Variants in RASEF observed in about 807,000 individuals in gnomAD.
RASEF encodes the protein ras and EF-hand domain-containing protein.
A neutral mutation model predicts 90.1 loss-of-function variants in RASEF; 68 were observed. That is an observed-to-expected ratio of 0.75 (90% CI 0.62 to 0.92). The LOEUF is 0.92. Among genes scored for constraint, RASEF ranks in the 40% least tolerant of loss-of-function variants. The pLI is 0.00. For synonymous variants in RASEF, 331 were observed against 345.2 expected, an observed-to-expected ratio of 0.96 and a Z score of 0.46; for missense variants, 949 against 937.2, an observed-to-expected ratio of 1.01 and a Z score of -0.16.
the RASEF span, among the ~76,000 whole-genome samples, chr9:83,209,602 A>G: frequency 5.3e-5 from 8 of 152,284 alleles, no homozygotes; most frequent in African/African-American, 1.7e-4. Context: ...GAGCTAAAAA[A>G]TGCCTGAATA....
the RASEF span, among the ~76,000 whole-genome samples, chr9:83,092,564 T>C: frequency 6.6e-6 from 1 of 152,226 alleles, no homozygotes; most frequent in South Asian, 2.1e-4. Flanking sequence ...AGCTGCAGAC[T>C]TTCACAGTGA....
chr9:83,022,835 G>A (rs879479358), intron 2 of RASEF, among the ~76,000 whole-genome samples: 2 of 152,138 alleles, frequency 1.3e-5, no homozygotes, highest in Admixed American at 6.5e-5. Context: ...GGAAGTAACT[G>A]TAACACAATG....
chr9:83,213,769 C>T, the RASEF span, among the ~76,000 whole-genome samples: 2 of 152,316 alleles, frequency 1.3e-5, no homozygotes, highest in East Asian at 1.9e-4. Flanking sequence ...AGAACCTCAA[C>T]ACACTCTTGT....
At chr9:83,070,584 A>G in the RASEF span, among the ~76,000 whole-genome samples, 1 of 152,234 alleles carries the variant, frequency 6.6e-6, no homozygotes, top group East Asian at 1.9e-4. Flanking sequence ...CAAATTTGTT[A>G]TTATTTTTCA....
At chr9:83,162,357 G>A in the RASEF span, among the ~76,000 whole-genome samples, 8 of 152,258 alleles carry the variant, frequency 5.3e-5, no homozygotes, top group South Asian at 1.7e-3. Context: ...AAAACTGCTG[G>A]AGATGGTATT....
chr9:83,098,551 G>C, the RASEF span, among the ~76,000 whole-genome samples: 9 of 152,148 alleles, frequency 5.9e-5, no homozygotes, highest in East Asian at 1.7e-3. Flanking sequence ...ATTATTAAGT[G>C]CCTAATTGCA....
intron 1 of RASEF, among the ~76,000 whole-genome samples, chr9:83,044,486 G>A (rs1269419013): frequency 2.0e-5 from 3 of 151,998 alleles, no homozygotes; most frequent in African/African-American, 7.3e-5. Flanking sequence ...AGCAGATGTA[G>A]GGCAAGCCTT....
the RASEF span, among the ~76,000 whole-genome samples, chr9:83,078,676 A>AG: frequency 0.02 from 2,970 of 151,568 alleles, 114 homozygotes; most frequent in African/African-American, 0.068. Flanking sequence ...GAAAAAAAAA[A>AG]AGAGAGAGAG....
chr9:83,112,687 C>CA, the RASEF span, among the ~76,000 whole-genome samples: 3,290 of 115,186 alleles, frequency 0.029, 38 homozygotes, highest in Admixed American at 0.035. Context: ...AACTCGGTCT[C>CA]AAAAAAAAAA....
At position 83,022,440 on chromosome 9, in the gene RASEF, G is replaced by C. The variant is rs1458752983; in HGVS notation, c.579-14C>G. On this transcript the variant is annotated splice_polypyrimidine_tract_variant and intron_variant, in intron 2 of 16. Coordinates refer to ENST00000376447, the MANE Select transcript of RASEF (RefSeq NM_152573.4). Reference sequence around the variant, plus strand: ...TTGTCCTGGGCTCTGAAATTCAAAAGGATGCACACCTTTTCATTATACTCT... The same window carrying C: ...TTGTCCTGGGCTCTGAAATTCAAAACGATGCACACCTTTTCATTATACTCT... 4 of 1,586,324 alleles carry C rather than the reference G, an allele frequency of 2.5e-6. No homozygotes were observed. Among genetic ancestry groups the C allele is most frequent in the Non-Finnish European group, 3.5e-6 (4 of 1,154,812 alleles).
At chr9:83,122,330 G>A in the RASEF span, among the ~76,000 whole-genome samples, 1 of 152,186 alleles carries the variant, frequency 6.6e-6, no homozygotes, top group Non-Finnish European at 1.5e-5. Context: ...GGATCTCTTT[G>A]ATCAGGGCAT....
At chr9:83,056,155 T>G (rs1830100971) in intron 1 of RASEF, among the ~76,000 whole-genome samples, 1 of 152,240 alleles carries the variant, frequency 6.6e-6, no homozygotes, top group South Asian at 2.1e-4. Context: ...TCACTCTTCT[T>G]ATAATTACTC....
chr9:83,160,144 A>G, the RASEF span, among the ~76,000 whole-genome samples: 1 of 152,188 alleles, frequency 6.6e-6, no homozygotes, highest in African/African-American at 2.4e-5. Flanking sequence ...AGGGTGGGGC[A>G]CTGCTGAAAA....
chr9:83,142,227 A>G, the RASEF span, among the ~76,000 whole-genome samples: 1 of 152,226 alleles, frequency 6.6e-6, no homozygotes, highest in Admixed American at 6.5e-5. Flanking sequence ...ACTGAAATCA[A>G]GCTTCCTCTG....
At position 83,012,387 on chromosome 9, in the gene RASEF, T is replaced by C. The variant is rs553750475; in HGVS notation, c.843+47A>G. 5.2e-6 allele frequency: 5 copies of C among 968,194 alleles called. No homozygotes were observed. In the Admixed American group the frequency reaches 1.1e-4, roughly 21 times the overall value. The allele number at this position is 968,194 out of a possible 1,614,324, so 60.0% of individuals were successfully genotyped here. A position where few individuals can be genotyped will look rare whatever the true frequency, so the allele number is the denominator to read the frequency against. On this transcript the variant is annotated intron_variant, in intron 5 of 16. Coordinates refer to ENST00000376447, the MANE Select transcript of RASEF (RefSeq NM_152573.4). Reference sequence around the variant, plus strand: ...ACACTGAAATAAGAGCATGAGGATGTGGTCTAACAGGAAGTGCATTTCTGT... The same window carrying C: ...ACACTGAAATAAGAGCATGAGGATGCGGTCTAACAGGAAGTGCATTTCTGT...
the RASEF span, among the ~76,000 whole-genome samples, chr9:83,160,000 C>T: frequency 6.6e-6 from 1 of 152,208 alleles, no homozygotes; most frequent in Non-Finnish European, 1.5e-5. Flanking sequence ...TCACCTTCTG[C>T]CGTGATTGTG....
chr9:83,167,651 CAT>C, the RASEF span, among the ~76,000 whole-genome samples: 55 of 152,204 alleles, frequency 3.6e-4, no homozygotes, highest in East Asian at 9.8e-3. Flanking sequence ...GAAGAAACCC[CAT>C]ATTCTTCAGC....
the RASEF span, among the ~76,000 whole-genome samples, chr9:83,127,711 G>A: frequency 2.0e-5 from 3 of 152,162 alleles, no homozygotes; most frequent in African/African-American, 7.2e-5. Flanking sequence ...CCTTGGGTGG[G>A]ACAGGCAATC....
chr9:83,205,161 T>C, the RASEF span, among the ~76,000 whole-genome samples: 2 of 152,140 alleles, frequency 1.3e-5, no homozygotes, highest in East Asian at 3.9e-4. Flanking sequence ...CTTTAAGAAA[T>C]ACATCTATGG....
Sources: gnomAD v4.1 joint callset for allele counts (sites outside exome capture counted in the v4.1 genomes callset) on GRCh38, gnomAD v4.1.1 for gene constraint, MANE v1.5 for transcripts, NCBI Gene and HGNC (gene_info 2026-07-23, HGNC 2026-07-21) for gene names.